Variants in COG5 observed in about 807,000 individuals in gnomAD.
COG5 encodes the protein conserved oligomeric Golgi complex subunit 5.
COG5 carries 86 observed loss-of-function variants against 110.4 expected under a neutral mutation model. The ratio of observed to expected loss-of-function variants is 0.78; its 90% confidence interval spans 0.65 to 0.93. The LOEUF (loss-of-function observed/expected upper bound fraction) is 0.93, where lower values mean the gene tolerates loss of function less well. COG5 is among the 40% of genes least tolerant of loss of function. COG5 has a pLI of 0.00. For missense variants in COG5, 1,077 were observed against 987.0 expected (o/e 1.09, Z -1.22); for synonymous variants, 360 against 334.6 (o/e 1.08, Z -0.83).
Position 107,371,829 on chromosome 7 carries a change from C to G in COG5, c.835+766G>C, listed in dbSNP as rs563796286. Among the ~76,000 whole-genome samples the G allele has an allele frequency of 5.3e-5, 8 of 152,292 alleles. No homozygotes were observed. The East Asian group carries it at 1.4e-3, about 26-fold the overall frequency. On this transcript the variant is annotated intron_variant, in intron 8 of 21. Transcript: ENST00000297135. ...AAGCAATACCTTGTAGTGATGGGATCTAATACAACTGCAGAGTGCTTGGTC... is the reference window on the plus strand; with the variant it reads ...AAGCAATACCTTGTAGTGATGGGATGTAATACAACTGCAGAGTGCTTGGTC...
chr7:107,491,299 G>A (rs975157357), intron 6 of COG5, among the ~76,000 whole-genome samples: 47 of 151,892 alleles, frequency 3.1e-4, no homozygotes, highest in African/African-American at 1.1e-3. Flanking sequence ...CAATATCCTG[G>A]GTACTCTTCC....
chr7:107,527,913 TTA>T (rs1301939490), intron 5 of COG5, among the ~76,000 whole-genome samples: 2 of 152,028 alleles, frequency 1.3e-5, no homozygotes, highest in African/African-American at 4.8e-5. Context: ...CAAGCATGAG[TTA>T]TGTTTTCATG....
intron 16 of COG5, among the ~76,000 whole-genome samples, chr7:107,255,148 A>C (rs1236960318): frequency 6.6e-6 from 1 of 152,168 alleles, no homozygotes; most frequent in African/African-American, 2.4e-5. Flanking sequence ...AGAAGAAAAA[A>C]ATGTGGAATT....
chr7:107,407,119 C>T (rs1377816825), intron 7 of COG5, among the ~76,000 whole-genome samples: 2 of 152,160 alleles, frequency 1.3e-5, no homozygotes, highest in Non-Finnish European at 2.9e-5. Context: ...CGGTGGCTCA[C>T]GCCTGTAATC....
chr7:107,339,899 A>AC (rs1811033692), intron 10 of COG5, among the ~76,000 whole-genome samples: 1 of 152,102 alleles, frequency 6.6e-6, no homozygotes, highest in Non-Finnish European at 1.5e-5. Context: ...CCAAATACCT[A>AC]CCTCAAAAAG....
chr7:107,361,097 C>T (rs1233316963), intron 10 of COG5, among the ~76,000 whole-genome samples: 1 of 152,166 alleles, frequency 6.6e-6, no homozygotes, highest in Non-Finnish European at 1.5e-5. Context: ...ATTACCTATA[C>T]CATAACACTA....
chr7:107,325,177 TTA>T (rs1809657120), intron 10 of COG5, among the ~76,000 whole-genome samples: 1 of 152,108 alleles, frequency 6.6e-6, no homozygotes, highest in South Asian at 2.1e-4. Context: ...AAGACAAATA[TTA>T]ATTAAAGTAT....
At chr7:107,385,802 TTTC>T (rs1245668140) in intron 7 of COG5, among the ~76,000 whole-genome samples, 1 of 149,472 alleles carries the variant, frequency 6.7e-6, no homozygotes, top group African/African-American at 2.5e-5. Context: ...CGCTTGTTAT[TTTC>T]TTTTTTTTTT....
intron 6 of COG5, among the ~76,000 whole-genome samples, chr7:107,458,328 A>T (rs1034467342): frequency 6.6e-6 from 1 of 152,226 alleles, no homozygotes; most frequent in African/African-American, 2.4e-5. Context: ...TATGCGGATA[A>T]ACATAAACTT....
At chr7:107,289,439 T>C (rs769732681) in intron 12 of COG5, among the ~76,000 whole-genome samples, 8 of 152,004 alleles carry the variant, frequency 5.3e-5, no homozygotes, top group East Asian at 3.9e-4. Context: ...CTACACTCTT[T>C]TTCTTCTTCT....
At chr7:107,548,079 T>C (rs761649812) in intron 5 of COG5, 32 bp downstream of exon 5, 4 of 1,562,428 alleles carry the variant, frequency 2.6e-6, no homozygotes, top group South Asian at 2.2e-5. Flanking sequence ...AAATGAATAA[T>C]AAAGTATAAA....
chr7:107,366,673 A>G (rs1813654187), intron 8 of COG5, among the ~76,000 whole-genome samples: 1 of 152,094 alleles, frequency 6.6e-6, no homozygotes, highest in African/African-American at 2.4e-5. Context: ...ATACAACACT[A>G]AAACCCAGCA....
At chr7:107,523,032 T>G (rs548636554) in intron 6 of COG5, among the ~76,000 whole-genome samples, 1 of 152,092 alleles carries the variant, frequency 6.6e-6, no homozygotes, top group Non-Finnish European at 1.5e-5. Context: ...AAAATCAGCT[T>G]GTCAATTTCT....
intron 7 of COG5, among the ~76,000 whole-genome samples, chr7:107,376,476 T>A (rs1204721902): frequency 6.6e-6 from 1 of 151,984 alleles, no homozygotes; most frequent in Non-Finnish European, 1.5e-5. Context: ...GATAGTTTTC[T>A]GTGAAAAAGT....
At chr7:107,493,085 C>CT (rs1798069626) in intron 6 of COG5, among the ~76,000 whole-genome samples, 1 of 152,108 alleles carries the variant, frequency 6.6e-6, no homozygotes. Flanking sequence ...AGCAATGCTG[C>CT]TATAAAAAGG....
chr7:107,434,312 T>A (rs1030603085), intron 6 of COG5, among the ~76,000 whole-genome samples: 1 of 152,192 alleles, frequency 6.6e-6, no homozygotes, highest in African/African-American at 2.4e-5. Context: ...AATAATCCCA[T>A]TTTGGGGCAT....
At chr7:107,468,191 T>C (rs745581606) in intron 6 of COG5, among the ~76,000 whole-genome samples, 5 of 152,228 alleles carry the variant, frequency 3.3e-5, no homozygotes, top group African/African-American at 9.6e-5. Context: ...AGTTTTAACA[T>C]TGACTCTGCT....
At chr7:107,562,970 A>C (rs962473006) in intron 1 of COG5, among the ~76,000 whole-genome samples, 1 of 152,246 alleles carries the variant, frequency 6.6e-6, no homozygotes, top group Non-Finnish European at 1.5e-5. Context: ...GATTAAAACA[A>C]GTATACAAAT....
At chr7:107,554,945 G>A (rs1563098146) in intron 2 of COG5, among the ~76,000 whole-genome samples, 1 of 152,150 alleles carries the variant, frequency 6.6e-6, no homozygotes, top group Non-Finnish European at 1.5e-5. Flanking sequence ...AAGTGGAGTT[G>A]TGCCAAAAAA....
Sources: gnomAD v4.1 joint callset for allele counts (sites outside exome capture counted in the v4.1 genomes callset) on GRCh38, gnomAD v4.1.1 for gene constraint, MANE v1.5 for transcripts, NCBI Gene and HGNC (gene_info 2026-07-23, HGNC 2026-07-21) for gene names.